The following EEF2K variants were observed in gnomAD, a reference collection of about 807,000 sequenced individuals.
EEF2K encodes eukaryotic elongation factor 2 kinase.
EEF2K carries 70 observed loss-of-function variants against 93.8 expected under a neutral mutation model. The observed-to-expected ratio is 0.75, with a 90% CI of 0.62 to 0.91. The LOEUF is 0.91. Among genes scored for constraint, EEF2K ranks in the 40% least tolerant of loss-of-function variants. The pLI is 0.00. For synonymous variants in EEF2K, 376 were observed against 380.8 expected, an observed-to-expected ratio of 0.99 and a Z score of 0.15; for missense variants, 935 against 972.9, an observed-to-expected ratio of 0.96 and a Z score of 0.52.
intron 2 of EEF2K, among the ~76,000 whole-genome samples, chr16:22,231,986 G>A (rs2047119963): frequency 9.3e-6 from 1 of 107,774 alleles, no homozygotes; most frequent in Non-Finnish European, 1.7e-5. Flanking sequence ...GCGAAACTCT[G>A]TCTTAAACAA....
chr16:22,236,689 G>A (rs1221082608), intron 2 of EEF2K, among the ~76,000 whole-genome samples: 4 of 151,474 alleles, frequency 2.6e-5, no homozygotes, highest in Non-Finnish European at 4.4e-5. Flanking sequence ...AACATCCCAC[G>A]TGCCAAAACA....
intron 11 of EEF2K, among the ~76,000 whole-genome samples, chr16:22,261,510 C>A (rs1244565976): frequency 6.6e-6 from 1 of 151,360 alleles, no homozygotes; most frequent in African/African-American, 2.4e-5. Context: ...ACCAACATGC[C>A]AAAACCCCAT....
chr16:22,246,371 C>G (rs542225232), intron 3 of EEF2K, among the ~76,000 whole-genome samples: 73 of 151,470 alleles, frequency 4.8e-4, no homozygotes, highest in African/African-American at 1.7e-3. Context: ...AAAATTTAGC[C>G]GGGTGTGGTG....
At chr16:22,270,785 T>G (rs2047571725) in intron 15 of EEF2K, among the ~76,000 whole-genome samples, 1 of 152,128 alleles carries the variant, frequency 6.6e-6, no homozygotes, top group Admixed American at 6.6e-5. Context: ...TCATTTGACA[T>G]GTGGGCAGGG....
chr16:22,273,235 C>A lies in EEF2K; in HGVS notation c.1765-391C>A, dbSNP rs1278398609. Among the ~76,000 whole-genome samples, 4 of 152,320 alleles carry A rather than the reference C, an allele frequency of 2.6e-5. No individual in the cohort carries two copies. In the South Asian group the frequency reaches 8.3e-4, roughly 32 times the overall value. Reference sequence around the variant, plus strand: ...GGGCAGTTCTGCAGTCAGATTTATACCTACTTTTAATTGCATGCATATTAA... The same window carrying A: ...GGGCAGTTCTGCAGTCAGATTTATAACTACTTTTAATTGCATGCATATTAA... On this transcript the variant is annotated intron_variant, in intron 15 of 17. Transcript: ENST00000263026.
Position 22,227,633 on chromosome 16 carries a change from C to T in EEF2K, c.246+1658C>T, listed in dbSNP as rs553372014. ...TTTATTACATATTATATATCTGTCA[C>T]CAGGCTATGCACTGAGTACAGACAG... On this transcript the variant is annotated intron_variant, in intron 2 of 17. Coordinates refer to ENST00000263026, the MANE Select transcript of EEF2K (RefSeq NM_013302.5). Among the ~76,000 whole-genome samples, 6 of 152,304 alleles carry T rather than the reference C, an allele frequency of 3.9e-5. No individual in the cohort carries two copies. The East Asian group carries it at 1.2e-3, about 29-fold the overall frequency.
Position 22,247,639 on chromosome 16 carries a change from T to A in EEF2K, c.348-1116T>A, listed in dbSNP as rs1290207874. Among the ~76,000 whole-genome samples, 3 of 152,130 alleles carry A rather than the reference T, an allele frequency of 2.0e-5. No individual in the cohort carries two copies. In the East Asian group the frequency reaches 5.8e-4, roughly 29 times the overall value. Reference sequence around the variant, plus strand: ...AACTCAGTCTGTTACCATTAGCTCATCTCCTTTTTGCCCAATCACATTGCT... The same window carrying A: ...AACTCAGTCTGTTACCATTAGCTCAACTCCTTTTTGCCCAATCACATTGCT... On this transcript the variant is annotated intron_variant, in intron 3 of 17. Coordinates refer to ENST00000263026, the MANE Select transcript of EEF2K (RefSeq NM_013302.5).
intron 2 of EEF2K, among the ~76,000 whole-genome samples, chr16:22,232,353 A>C (rs547465470): frequency 6.6e-6 from 1 of 152,202 alleles, no homozygotes; most frequent in South Asian, 2.1e-4. Flanking sequence ...CAGCCTCCTG[A>C]GTAGCTGAGA....
Position 22,286,207 on chromosome 16 carries a change from G to C in EEF2K, c.*2211G>C, listed in dbSNP as rs957387949. The C allele has an allele frequency of 6.6e-6, 1 of 152,144 alleles. No homozygotes were observed. The highest frequency in any genetic ancestry group is 1.5e-5 in the Non-Finnish European group (1 of 68,034). 9.4% of individuals were successfully genotyped at this position (152,144 alleles called of 1,614,324 possible). A position where few individuals can be genotyped will look rare whatever the true frequency, so the allele number is the denominator to read the frequency against. On this transcript the variant is annotated 3_prime_UTR_variant, in exon 18 of 18. Coordinates refer to ENST00000263026, the MANE Select transcript of EEF2K (RefSeq NM_013302.5). ...GGAACTGATCACCCTTTTGTCATCT[G>C]TACCAGATCAGTAGTTGGCTTGTGT...
At chr16:22,222,702 T>TAAA (rs1161314400) in intron 1 of EEF2K, among the ~76,000 whole-genome samples, 1 of 96,552 alleles carries the variant, frequency 1.0e-5, no homozygotes, top group Non-Finnish European at 2.2e-5. Context: ...ACCCCGTCCC[T>TAAA]AAAAAAAAAA....
intron 16 of EEF2K, 85 bp downstream of exon 16, chr16:22,273,835 T>A: frequency 6.5e-7 from 1 of 1,548,300 alleles, no homozygotes; most frequent in Non-Finnish European, 8.7e-7. Flanking sequence ...CAGGCCTGGG[T>A]TCCAGTCTTG....
rs2047519177 is a variant in EEF2K at position 22,266,428 on chromosome 16, C to T, written c.1479C>T (p.Arg493=). The T allele has an allele frequency of 1.2e-6, 2 of 1,614,200 alleles. No individual in the cohort carries two copies. Among genetic ancestry groups the T allele is most frequent in the Non-Finnish European group, 1.7e-6 (2 of 1,180,022 alleles). The part of the protein sequence containing the change: ...VEKWNLLNSS[R]LHLPRASAVA... ...AGTGGAATCTCCTCAACTCCTCCCGCCTCCACCTGCCGAGGGCTTCGGCCG... is the reference window on the plus strand; with the variant it reads ...AGTGGAATCTCCTCAACTCCTCCCGTCTCCACCTGCCGAGGGCTTCGGCCG... Residue 493 remains arginine, a synonymous_variant, in exon 14 of 18, where the codon CGC becomes CGT. Coordinates refer to ENST00000263026, the MANE Select transcript of EEF2K (RefSeq NM_013302.5).
intron 1 of EEF2K, among the ~76,000 whole-genome samples, chr16:22,216,893 G>C (rs1212600370): frequency 6.6e-6 from 1 of 152,044 alleles, no homozygotes; most frequent in Admixed American, 6.6e-5. Flanking sequence ...CGGGTGCAGT[G>C]GCTCATGCCT....
At chr16:22,209,407 G>A (rs892419071) in intron 1 of EEF2K, among the ~76,000 whole-genome samples, 2 of 152,134 alleles carry the variant, frequency 1.3e-5, no homozygotes, top group African/African-American at 2.4e-5. Flanking sequence ...CAGGGTTGTC[G>A]TCTGGTTGCC....
intron 16 of EEF2K, among the ~76,000 whole-genome samples, chr16:22,279,263 GGTTATAC>G (rs962462962): frequency 1.8e-4 from 26 of 147,424 alleles, no homozygotes; most frequent in Non-Finnish European, 3.7e-4. Flanking sequence ...TTTAACACAG[GGTTATAC>G]TCTATTGCCC....
rs368245066 is a variant in EEF2K, at chr16:22,258,704, C to T, written c.1231+9C>T. The T allele has an allele frequency of 2.4e-4, 392 of 1,613,992 alleles. 2 individuals are homozygous for T. The East Asian group carries it at 5.0e-3, about 20-fold the overall frequency. The stretch of plus-strand genomic sequence containing the variant: ...GAAGCTAGACCACCTCCGTGAGTGA[C>T]GGTTCGGTCCCTAGTCACTGTGATT... On this transcript the variant is annotated intron_variant, in intron 10 of 17. Transcript: ENST00000263026.
chr16:22,253,929 G>A (rs1181011511), intron 6 of EEF2K, among the ~76,000 whole-genome samples: 1 of 151,682 alleles, frequency 6.6e-6, no homozygotes, highest in African/African-American at 2.4e-5. Flanking sequence ...TGAAACCCCC[G>A]CCTCTACTAA....
chr16:22,255,334 G>T (rs1354471183), intron 6 of EEF2K, among the ~76,000 whole-genome samples: 1 of 152,192 alleles, frequency 6.6e-6, no homozygotes, highest in Non-Finnish European at 1.5e-5. Context: ...GCTTGGGGTA[G>T]GCTTGTTTGT....
Position 22,256,884 on chromosome 16 carries a change from G to T in EEF2K, c.755G>T (p.Arg252Leu). ...NSGFVRDDNI[R>L]LTPQAFSHFT... ...GGCTTTGTCCGCGATGACAACATCC[G>T]CCTGACGCCGCAGGTGAGGCCGAGC... Residue 252 changes from arginine to leucine, a missense_variant, in exon 7 of 18, where the codon CGC becomes CTC. Coordinates refer to ENST00000263026, the MANE Select transcript of EEF2K (RefSeq NM_013302.5). 1 of 1,613,968 alleles carries T rather than the reference G, an allele frequency of 6.2e-7. No homozygotes were observed. Among genetic ancestry groups the T allele is most frequent in the South Asian group, 1.1e-5 (1 of 91,082 alleles).
Sources: allele counts gnomAD v4.1 joint callset (sites outside exome capture counted in the v4.1 genomes callset), GRCh38; gene constraint gnomAD v4.1.1; transcripts MANE v1.5; gene names NCBI Gene and HGNC (gene_info 2026-07-23, HGNC 2026-07-21).